The following PLCB4 variants were observed in gnomAD, a reference collection of about 807,000 sequenced individuals.
PLCB4 encodes 1-phosphatidylinositol 4,5-bisphosphate phosphodiesterase beta-4.
In PLCB4, 77 loss-of-function variants were observed where a neutral mutation model predicts 178.8. That is an observed-to-expected ratio of 0.43 (90% confidence interval 0.36 to 0.52). PLCB4 has a LOEUF of 0.52. Among genes scored for constraint, PLCB4 ranks in the 20% least tolerant of loss-of-function variants. PLCB4 has a pLI of 0.00. For synonymous variants in PLCB4, 496 were observed against 490.8 expected, an observed-to-expected ratio of 1.01 and a Z score of -0.14; for missense variants, 1,024 against 1,453.4, an observed-to-expected ratio of 0.70 and a Z score of 4.80.
intron 3 of PLCB4, among the ~76,000 whole-genome samples, chr20:9,227,539 A>G (rs1011714632): frequency 3.9e-5 from 6 of 152,134 alleles, no homozygotes; most frequent in African/African-American, 1.4e-4. Flanking sequence ...ATTCGCATGT[A>G]GATATCCAGT....
chr20:9,217,967 C>T (rs1207278465), intron 3 of PLCB4, among the ~76,000 whole-genome samples: 2 of 151,716 alleles, frequency 1.3e-5, no homozygotes, highest in Admixed American at 6.6e-5. Context: ...TAAAGAAACG[C>T]AAAAAGGGGA....
intron 3 of PLCB4, among the ~76,000 whole-genome samples, chr20:9,267,320 T>C (rs1568494649): frequency 6.6e-6 from 1 of 152,200 alleles, no homozygotes. Flanking sequence ...AAGCTACATT[T>C]GCTGTGTGTG....
intron 3 of PLCB4, among the ~76,000 whole-genome samples, chr20:9,235,906 A>G (rs899223440): frequency 6.6e-6 from 1 of 152,150 alleles, no homozygotes; most frequent in Admixed American, 6.5e-5. Context: ...GTCTTTATCT[A>G]TTCCAGGCCA....
intron 2 of PLCB4, among the ~76,000 whole-genome samples, chr20:9,145,181 G>A (rs528636233): frequency 4.6e-5 from 7 of 152,128 alleles, no homozygotes; most frequent in Non-Finnish European, 8.8e-5. Context: ...GTGATGAGAA[G>A]CAGGAAATCT....
intron 2 of PLCB4, among the ~76,000 whole-genome samples, chr20:9,202,026 C>T (rs900079972): frequency 6.6e-6 from 1 of 152,166 alleles, no homozygotes; most frequent in African/African-American, 2.4e-5. Flanking sequence ...CTGGCATATC[C>T]ATACAATAAA....
intron 35 of PLCB4, among the ~76,000 whole-genome samples, chr20:9,465,931 C>A (rs1284126966): frequency 6.6e-5 from 10 of 152,188 alleles, no homozygotes; most frequent in African/African-American, 2.4e-4. Flanking sequence ...TTGGAAAAAA[C>A]TATTTTAAAG....
At chr20:9,460,068 C>G (rs2281199) in intron 35 of PLCB4, among the ~76,000 whole-genome samples, 61,781 of 151,850 alleles carry the variant, frequency 0.41, 13,158 homozygotes, top group East Asian at 0.64. Context: ...GAGCCCAGGA[C>G]TTCAAGACAT....
At chr20:9,142,162 A>G (rs1042945085) in intron 2 of PLCB4, among the ~76,000 whole-genome samples, 1 of 152,094 alleles carries the variant, frequency 6.6e-6, no homozygotes, top group African/African-American at 2.4e-5. Context: ...AGCCAGAGAC[A>G]CCTCCTGGGA....
chr20:9,207,187 GTTTCTGTGACAAAATAAATATACA>G (rs1409184380), intron 2 of PLCB4, among the ~76,000 whole-genome samples: 5 of 152,286 alleles, frequency 3.3e-5, no homozygotes, highest in African/African-American at 1.2e-4. Context: ...ATTAAAGGAG[GTTTCTGTGACAAAATAAATATACA>G]TTTCTGTGAC....
At chr20:9,433,297 A>T (rs748659074) in intron 28 of PLCB4, among the ~76,000 whole-genome samples, 16 of 152,332 alleles carry the variant, frequency 1.1e-4, no homozygotes, top group Middle Eastern at 3.4e-3. Flanking sequence ...AGATGTCAAG[A>T]GGGATTGCTT....
At chr20:9,094,744 G>A (rs8115948) in intron 1 of PLCB4, among the ~76,000 whole-genome samples, 19,427 of 152,142 alleles carry the variant, frequency 0.13, 1,295 homozygotes, top group Middle Eastern at 0.19. Flanking sequence ...ATGAACTGAA[G>A]ATCTATAAGT....
chr20:9,457,537 G>A, intron 34 of PLCB4, 48 bp downstream of exon 34: 1 of 912,498 alleles, frequency 1.1e-6, no homozygotes, highest in Non-Finnish European at 1.8e-6. Flanking sequence ...AAGACACTTT[G>A]TAATTTTTTA....
intron 3 of PLCB4, among the ~76,000 whole-genome samples, chr20:9,263,636 A>G (rs1432178427): frequency 6.6e-6 from 1 of 152,192 alleles, no homozygotes; most frequent in African/African-American, 2.4e-5. Context: ...GGCTTCTTCC[A>G]CAGGTACCTG....
At chr20:9,097,946 C>T (rs750968522) in intron 2 of PLCB4, among the ~76,000 whole-genome samples, 8 of 152,052 alleles carry the variant, frequency 5.3e-5, no homozygotes, top group Non-Finnish European at 7.4e-5. Context: ...TAGAGCCACC[C>T]GTGTAAATTT....
In PLCB4 at chr20:9,154,698, CATTT is replaced by C. The variant is rs562182219; in HGVS notation, c.-79+58361_-79+58364del. ...AGTCTAGGAGCTACAACATTTTCCA[CATTT>C]ATTTGACCACCTCTCCCACAACCCT... On this transcript the variant is annotated intron_variant, in intron 2 of 39. Transcript: ENST00000378473. Among the ~76,000 whole-genome samples the C allele has an allele frequency of 2.6e-3, 397 of 152,190 alleles. 4 individuals carry two copies. Among genetic ancestry groups the C allele is most frequent in the African/African-American group, 8.9e-3 (370 of 41,534 alleles).
intron 3 of PLCB4, among the ~76,000 whole-genome samples, chr20:9,307,483 T>A (rs944503910): frequency 1.4e-5 from 2 of 138,992 alleles, no homozygotes; most frequent in Admixed American, 1.5e-4. Flanking sequence ...CTTCAGATTT[T>A]AAAAAAAGAA....
chr20:9,085,748 C>T (rs541615367), intron 1 of PLCB4, among the ~76,000 whole-genome samples: 1 of 152,122 alleles, frequency 6.6e-6, no homozygotes, highest in African/African-American at 2.4e-5. Context: ...GAAAGACCAG[C>T]GTGATTGTAA....
At chr20:9,413,063 A>T (rs1157725372) in intron 25 of PLCB4, among the ~76,000 whole-genome samples, 1 of 152,256 alleles carries the variant, frequency 6.6e-6, no homozygotes, top group Non-Finnish European at 1.5e-5. Context: ...ACACACAGAC[A>T]TTGCAAAATT....
intron 3 of PLCB4, among the ~76,000 whole-genome samples, chr20:9,225,688 C>A (rs1014706249): frequency 3.3e-5 from 5 of 152,162 alleles, no homozygotes; most frequent in Non-Finnish European, 7.4e-5. Context: ...ATTGGGCATT[C>A]TGAATCTTTT....
Sources: gnomAD v4.1 joint callset for allele counts (sites outside exome capture counted in the v4.1 genomes callset) on GRCh38, gnomAD v4.1.1 for gene constraint, MANE v1.5 for transcripts, NCBI Gene and HGNC (gene_info 2026-07-23, HGNC 2026-07-21) for gene names.